Variants in FRMD4A observed in about 807,000 individuals in gnomAD.
FRMD4A encodes FERM domain containing 4A, also known as FERM domain-containing protein 4A.
A neutral mutation model predicts 129.1 loss-of-function variants in FRMD4A; 29 were observed. The observed-to-expected ratio is 0.22, with a 90% CI of 0.17 to 0.31. The LOEUF is 0.31. Ranked by LOEUF, FRMD4A falls within the 10% of genes least tolerant of loss-of-function variation. The pLI is 1.00. For missense variants in FRMD4A, 1,272 were observed against 1,375.8 expected, an observed-to-expected ratio of 0.92 and a Z score of 1.19; for synonymous variants, 634 against 571.6, an observed-to-expected ratio of 1.11 and a Z score of -1.56.
At chr10:13,887,495 A>G (rs1419274985) in intron 2 of FRMD4A, among the ~76,000 whole-genome samples, 5 of 152,168 alleles carry the variant, frequency 3.3e-5, no homozygotes, top group Admixed American at 3.3e-4. Flanking sequence ...ACTGGCCAAC[A>G]TGGTGAAACC....
intron 15 of FRMD4A, among the ~76,000 whole-genome samples, chr10:13,683,333 C>T (rs2134771557): frequency 6.6e-6 from 1 of 152,172 alleles, no homozygotes; most frequent in South Asian, 2.1e-4. Context: ...ACCTCTAATG[C>T]CAGCACTTTG....
intron 15 of FRMD4A, among the ~76,000 whole-genome samples, chr10:13,679,399 C>T (rs1224057146): frequency 8.4e-6 from 1 of 119,526 alleles, no homozygotes; most frequent in African/African-American, 3.3e-5. Flanking sequence ...TGCACCACAG[C>T]CTGGGTGACA....
At chr10:14,186,621 C>T (rs1364655501) in intron 2 of FRMD4A, among the ~76,000 whole-genome samples, 1 of 152,186 alleles carries the variant, frequency 6.6e-6, no homozygotes, top group Admixed American at 6.5e-5. Context: ...TGCTTCTCTC[C>T]TGTTCAGTCT....
chr10:14,241,681 C>T (rs1407768083), intron 2 of FRMD4A, among the ~76,000 whole-genome samples: 3 of 52,772 alleles, frequency 5.7e-5, no homozygotes, highest in African/African-American at 2.3e-4. Flanking sequence ...TTTTACCCTC[C>T]CTAAAAAAAA....
chr10:13,742,908 G>A lies in FRMD4A; in HGVS notation c.549-2331C>T, dbSNP rs751476942. On this transcript the variant is annotated intron_variant, in intron 9 of 24. Coordinates refer to ENST00000357447, the MANE Select transcript of FRMD4A (RefSeq NM_018027.5). ...AGTTTTAGCAAGGCCAGTGTTGGGGGTAACAGGTTCTACACATTCATCACC... is the reference window on the plus strand; with the variant it reads ...AGTTTTAGCAAGGCCAGTGTTGGGGATAACAGGTTCTACACATTCATCACC... Among the ~76,000 whole-genome samples, 35 of 152,160 alleles carry A rather than the reference G, an allele frequency of 2.3e-4. 1 individual carries two copies. Among genetic ancestry groups the A allele is most frequent in the South Asian group, 1.2e-3 (6 of 4,832 alleles).
At chr10:13,999,358 C>G (rs986051480) in intron 2 of FRMD4A, among the ~76,000 whole-genome samples, 6 of 152,160 alleles carry the variant, frequency 3.9e-5, no homozygotes, top group African/African-American at 1.4e-4. Context: ...AAATAAATAT[C>G]TGTGAAATTA....
intron 2 of FRMD4A, among the ~76,000 whole-genome samples, chr10:13,969,116 G>A (rs2095502849): frequency 6.6e-6 from 1 of 152,224 alleles, no homozygotes; most frequent in Non-Finnish European, 1.5e-5. Context: ...CTTGCTCTGG[G>A]CCGCCTCTTC....
intron 2 of FRMD4A, chr10:14,327,085 C>T (rs1361109247): frequency 2.3e-5 from 9 of 397,498 alleles, no homozygotes. Flanking sequence ...CACCTGGGAC[C>T]CCTCCCAGCT....
At chr10:13,837,373 G>A (rs890519076) in intron 3 of FRMD4A, among the ~76,000 whole-genome samples, 2 of 152,152 alleles carry the variant, frequency 1.3e-5, no homozygotes, top group African/African-American at 4.8e-5. Context: ...CTTGGATTCT[G>A]GAGTCCTGAT....
intron 3 of FRMD4A, among the ~76,000 whole-genome samples, chr10:13,847,026 A>G (rs2094058403): frequency 6.6e-6 from 1 of 152,196 alleles, no homozygotes; most frequent in Non-Finnish European, 1.5e-5. Flanking sequence ...CCAGTGAAAA[A>G]ACAGGCAAGA....
At chr10:14,106,738 C>A (rs1215032617) in intron 2 of FRMD4A, among the ~76,000 whole-genome samples, 1 of 152,174 alleles carries the variant, frequency 6.6e-6, no homozygotes, top group Non-Finnish European at 1.5e-5. Context: ...TTAAAAAGAT[C>A]TTTCTGTCTT....
intron 2 of FRMD4A, among the ~76,000 whole-genome samples, chr10:14,209,429 C>G (rs1220817099): frequency 6.6e-6 from 1 of 152,016 alleles, no homozygotes; most frequent in African/African-American, 2.4e-5. Context: ...TAGGGTGGGC[C>G]ATAAATCCAA....
chr10:13,712,855 T>C (rs927132750), intron 12 of FRMD4A, among the ~76,000 whole-genome samples: 5 of 152,258 alleles, frequency 3.3e-5, no homozygotes, highest in Admixed American at 6.5e-5. Flanking sequence ...AAGTACTTAA[T>C]GAGCAGGGAC....
rs56740311 is a variant in FRMD4A, at chr10:14,207,686, CCACA to C, written c.45+122368_45+122371del. Among the ~76,000 whole-genome samples, 247 of 145,872 alleles carry C rather than the reference CCACA, an allele frequency of 1.7e-3. 1 individual carries two copies. The highest frequency in any genetic ancestry group is 5.7e-3 in the African/African-American group (228 of 39,898). ...AATGTCAGCTAATCATCCTAGGTAA[CCACA>C]CACACACACACACACACACACACAC... On this transcript the variant is annotated intron_variant, in intron 2 of 24. Transcript: ENST00000357447.
chr10:14,227,243 C>CTTTTTTTTTTTT lies in FRMD4A; in HGVS notation c.45+102803_45+102814dup, dbSNP rs10674411. ...TCCTCCTCCTCCTTCTCTTCTTCTT[C>CTTTTTTTTTTTT]TTTTTTTTTTTTTTTTTTTTTTTTT... On this transcript the variant is annotated intron_variant, in intron 2 of 24. Coordinates refer to ENST00000357447, the MANE Select transcript of FRMD4A (RefSeq NM_018027.5). Among the ~76,000 whole-genome samples the CTTTTTTTTTTTT allele has an allele frequency of 4.5e-4, 29 of 64,130 alleles. 8 individuals carry two copies. The highest frequency in any genetic ancestry group is 6.9e-4 in the African/African-American group (11 of 16,020). 42.1% of individuals were successfully genotyped at this position (64,130 alleles called of 152,430 possible).
At chr10:14,125,541 T>C (rs1365635533) in intron 2 of FRMD4A, among the ~76,000 whole-genome samples, 3 of 152,210 alleles carry the variant, frequency 2.0e-5, no homozygotes, top group African/African-American at 4.8e-5. Context: ...AGGAACAATC[T>C]GGGTGAGAGG....
At chr10:13,676,428 ATT>A (rs60180649) in intron 15 of FRMD4A, among the ~76,000 whole-genome samples, 64,466 of 128,524 alleles carry the variant, frequency 0.5, 15,490 homozygotes, top group East Asian at 0.83. Context: ...ACACCCAGCT[ATT>A]TTTTTTTTTT....
At chr10:14,074,118 T>TAAA (rs1564263780) in intron 2 of FRMD4A, among the ~76,000 whole-genome samples, 2 of 151,612 alleles carry the variant, frequency 1.3e-5, no homozygotes, top group Admixed American at 1.3e-4. Context: ...CAAAAAAAAT[T>TAAA]TTTTTTGTTT....
At chr10:13,870,919 A>C (rs1313774883) in intron 2 of FRMD4A, 1 of 152,842 alleles carries the variant, frequency 6.5e-6, no homozygotes, top group African/African-American at 2.4e-5. Flanking sequence ...TTAGGCGGGA[A>C]GGAGAGCAGC....
Sources: allele counts gnomAD v4.1 joint callset (sites outside exome capture counted in the v4.1 genomes callset), GRCh38; gene constraint gnomAD v4.1.1; transcripts MANE v1.5; gene names NCBI Gene and HGNC (gene_info 2026-07-23, HGNC 2026-07-21).